C9orf72: variants seen among roughly 807,000 people sequenced by gnomAD.
The protein encoded by C9orf72 is C9orf72-SMCR8 complex subunit.
In C9orf72, 44 loss-of-function variants were observed where a neutral mutation model predicts 51.6. The ratio of observed to expected loss-of-function variants is 0.85; its 90% CI spans 0.67 to 1.10. The LOEUF is 1.10. C9orf72 is among the 50% of genes least tolerant of loss of function. C9orf72 has a pLI of 0.00. For missense variants in C9orf72, 607 were observed against 570.6 expected, an observed-to-expected ratio of 1.06 and a Z score of -0.65; for synonymous variants, 213 against 194.2, an observed-to-expected ratio of 1.10 and a Z score of -0.81.
intron 9 of C9orf72, among the ~76,000 whole-genome samples, chr9:27,548,905 C>A (rs539035353): frequency 1.1e-4 from 16 of 150,968 alleles, no homozygotes; most frequent in Non-Finnish European, 1.6e-4. Flanking sequence ...AGTGCAGTGG[C>A]GCGATCTTGA....
chr9:27,571,622 A>G (rs1331095595), intron 1 of C9orf72, among the ~76,000 whole-genome samples: 1 of 152,094 alleles, frequency 6.6e-6, no homozygotes, highest in Non-Finnish European at 1.5e-5. Context: ...CGCCCGGCTA[A>G]GTTTTTAATT....
At chr9:27,571,829 C>A (rs1039112987) in intron 1 of C9orf72, among the ~76,000 whole-genome samples, 3 of 152,212 alleles carry the variant, frequency 2.0e-5, no homozygotes, top group African/African-American at 7.2e-5. Flanking sequence ...CGTCCACTTT[C>A]CACAACAGGA....
chr9:27,553,432 A>G (rs1435082887), intron 8 of C9orf72, among the ~76,000 whole-genome samples: 1 of 152,230 alleles, frequency 6.6e-6, no homozygotes, highest in Admixed American at 6.5e-5. Flanking sequence ...CTGATCTTCA[A>G]CAAAGTTGAC....
At position 27,548,435 on chromosome 9, in the gene C9orf72, GAAAAAAAAAAAA is replaced by G. The variant is rs11292923; in HGVS notation, c.1260-25_1260-14del. ...TTTTCCCTTCTGCCTAAAAATAATG[GAAAAAAAAAAAA>G]AAAAAAAAAAAAAAGAAGCGCAAAA... On this transcript the variant is annotated splice_polypyrimidine_tract_variant and intron_variant, in intron 10 of 10. Coordinates refer to ENST00000380003, the MANE Select transcript of C9orf72 (RefSeq NM_018325.5). 332 of 174,882 alleles carry G rather than the reference GAAAAAAAAAAAA, an allele frequency of 1.9e-3. 7 individuals are homozygous for G. In the Middle Eastern group the frequency reaches 0.046, roughly 24 times the overall value. The allele number at this position is 174,882 out of a possible 1,614,324, so 10.8% of individuals were successfully genotyped here.
chr9:27,567,194 A>G, intron 1 of C9orf72, 30 bp from the exon 2 acceptor site: 1 of 1,286,442 alleles, frequency 7.8e-7, no homozygotes, highest in Non-Finnish European at 1.1e-6. Context: ...ACCAATGATT[A>G]GGTTCAGCAA....
chr9:27,552,108 C>T (rs180960917), intron 8 of C9orf72, among the ~76,000 whole-genome samples: 1 of 152,258 alleles, frequency 6.6e-6, no homozygotes, highest in East Asian at 1.9e-4. Context: ...AATAGTTTGA[C>T]TTCTTCTCTT....
At chr9:27,551,748 CTTA>C (rs57370567) in intron 8 of C9orf72, among the ~76,000 whole-genome samples, 3,578 of 152,268 alleles carry the variant, frequency 0.023, 133 homozygotes, top group African/African-American at 0.081. Context: ...ATCGAGTGGA[CTTA>C]TTATACCTGT....
Position 27,548,061 on chromosome 9 carries a change from T to A in C9orf72, c.*175A>T. On this transcript the variant is annotated 3_prime_UTR_variant, in exon 11 of 11. Coordinates refer to ENST00000380003, the MANE Select transcript of C9orf72 (RefSeq NM_018325.5). The stretch of plus-strand genomic sequence containing the variant: ...CTAGGAAAAGAGACACCCAATGTAA[T>A]GATGCACCTGACATCCCCTCACAGG... 2.3e-6 allele frequency: 1 copy of A among 438,290 alleles called. No homozygotes were observed. Among genetic ancestry groups the A allele is most frequent in the Non-Finnish European group, 4.0e-6 (1 of 247,928 alleles). 27.2% of individuals were successfully genotyped at this position (438,290 alleles called of 1,614,324 possible).
rs912288161 is a variant in C9orf72, at chr9:27,562,469, C to A, written c.512G>T (p.Ser171Ile). The change falls in exon 4 of 11, where the codon AGT becomes ATT. Residue 171 changes from serine (S) to isoleucine (I), a missense_variant. Transcript: ENST00000380003. ...GTERMEDQGQ[S>I]IIPMLTGEVI... is the part of the protein sequence containing the mutation. The stretch of plus-strand genomic sequence containing the variant: ...TTCTCCAGTAAGCATTGGAATAATA[C>A]TCTGACCCTGCACAATAAAGTGACA... 2 of 1,553,590 alleles carry A rather than the reference C, an allele frequency of 1.3e-6. No individual in the cohort carries two copies. Among genetic ancestry groups the A allele is most frequent in the Admixed American group, 1.9e-5 (1 of 53,208 alleles).
In C9orf72 at chr9:27,547,682, G is replaced by A. The variant is rs1015063221; in HGVS notation, c.*554C>T. ...CCCAGGGACTAAATCCACAAAGTAG[G>A]ATCTAATAATCAATTCCAATTAAAC... On this transcript the variant is annotated 3_prime_UTR_variant, in exon 11 of 11. Transcript: ENST00000380003. 6.6e-6 allele frequency: 1 copy of A among 152,526 alleles called. No individual in the cohort carries two copies. The highest frequency in any genetic ancestry group is 2.4e-5 in the African/African-American group (1 of 41,440). 9.4% of individuals were successfully genotyped at this position (152,526 alleles called of 1,614,324 possible). A position where few individuals can be genotyped will look rare whatever the true frequency, so the allele number is the denominator to read the frequency against.
chr9:27,556,112 T>C (rs1415251251), intron 8 of C9orf72, among the ~76,000 whole-genome samples: 2 of 152,082 alleles, frequency 1.3e-5, no homozygotes, highest in Non-Finnish European at 2.9e-5. Context: ...AATGTTCCAT[T>C]AATATATTTT....
chr9:27,573,546 C>CGGCCCCGGCCCT (rs74180757), upstream of C9orf72: 2 of 149,528 alleles, frequency 1.3e-5, no homozygotes, highest in Non-Finnish European at 1.5e-5. Context: ...GCCCCGGCCC[C>CGGCCCCGGCCCT]TAGCGCGCGA....
chr9:27,553,604 A>C (rs1168426994), intron 8 of C9orf72, among the ~76,000 whole-genome samples: 1 of 152,216 alleles, frequency 6.6e-6, no homozygotes, highest in Non-Finnish European at 1.5e-5. Flanking sequence ...AAATTGTAAA[A>C]ACCCTGGAAG....
At chr9:27,555,793 C>A (rs1202521489) in intron 8 of C9orf72, among the ~76,000 whole-genome samples, 2 of 151,858 alleles carry the variant, frequency 1.3e-5, no homozygotes, top group African/African-American at 2.4e-5. Flanking sequence ...GAACTCCTGG[C>A]CTCAAGTGAT....
At chr9:27,570,935 T>C (rs1252412045) in intron 1 of C9orf72, among the ~76,000 whole-genome samples, 1 of 152,122 alleles carries the variant, frequency 6.6e-6, no homozygotes, top group Non-Finnish European at 1.5e-5. Context: ...AAGATCATAC[T>C]GAATTGCTTA....
rs905778011 is a variant in C9orf72 at position 27,567,074 on chromosome 9, T to C, written c.47A>G (p.Glu16Gly). ...AGGTGATTTGCCACTTAAAGCAATC[T>C]CTGTCTTGGCAACAGCTGGAGATGG... ...PPPSPAVAKT[E>G]IALSGKSPLL... The change falls in exon 2 of 11, where the codon GAG (glutamate) becomes GGG (glycine). Residue 16 changes from glutamate to glycine, a missense_variant. Coordinates refer to ENST00000380003, the MANE Select transcript of C9orf72 (RefSeq NM_018325.5). 6 of 1,614,018 alleles carry C rather than the reference T, an allele frequency of 3.7e-6. No individual in the cohort carries two copies. The highest frequency in any genetic ancestry group is 4.2e-6 in the Non-Finnish European group (5 of 1,179,896).
intron 6 of C9orf72, chr9:27,559,058 T>G (rs1418146062): frequency 6.5e-6 from 1 of 152,948 alleles, no homozygotes; most frequent in African/African-American, 2.4e-5. Flanking sequence ...GGGTGGGATT[T>G]AGAAATCTGA....
Position 27,548,269 on chromosome 9 carries a change from A to G in C9orf72, c.1413T>C (p.Ser471=). The change falls in exon 11 of 11, where the codon AGT becomes AGC. Residue 471 remains serine (S), a synonymous_variant. Coordinates refer to ENST00000380003, the MANE Select transcript of C9orf72 (RefSeq NM_018325.5). The part of the protein sequence containing the change: ...SFIFGRPFYT[S]VQERDVLMTF ...TCATTAGAACATCTCGTTCTTGCAC[A>G]CTAGTGTAGAAAGGTCTTCCAAAGA... The G allele has an allele frequency of 6.2e-7, 1 of 1,611,426 alleles. No individual in the cohort carries two copies. The highest frequency in any genetic ancestry group is 8.5e-7 in the Non-Finnish European group (1 of 1,178,948).
chr9:27,572,586 GC>G (rs1819611059), intron 1 of C9orf72, among the ~76,000 whole-genome samples: 1 of 152,042 alleles, frequency 6.6e-6, no homozygotes, highest in Non-Finnish European at 1.5e-5. Context: ...CCACAACCAG[GC>G]AACTACTCTC....
Sources: gnomAD v4.1 joint callset for allele counts (sites outside exome capture counted in the v4.1 genomes callset) on GRCh38, gnomAD v4.1.1 for gene constraint, MANE v1.5 for transcripts, NCBI Gene and HGNC (gene_info 2026-07-23, HGNC 2026-07-21) for gene names.